Variants in UNC13C observed in about 807,000 individuals in gnomAD.
UNC13C encodes the protein unc-13 homolog C.
In UNC13C, 174 loss-of-function variants were observed where a neutral mutation model predicts 245.4. The ratio of observed to expected loss-of-function variants is 0.71; its 90% CI spans 0.63 to 0.80. The LOEUF (loss-of-function observed/expected upper bound fraction) is 0.80. Among genes scored for constraint, UNC13C ranks in the 30% least tolerant of loss-of-function variants. UNC13C has a pLI of 0.00. For synonymous variants in UNC13C, 992 were observed against 895.1 expected (o/e 1.11, Z -1.93); for missense variants, 2,829 against 2,602.9 (o/e 1.09, Z -1.89).
intron 10 of UNC13C, among the ~76,000 whole-genome samples, chr15:54,288,921 C>T (rs756512167): frequency 6.6e-6 from 1 of 152,068 alleles, no homozygotes; most frequent in Non-Finnish European, 1.5e-5. Flanking sequence ...AAATAATATG[C>T]CAGGGTGAGA....
chr15:54,036,540 A>G (rs1896584769), intron 2 of UNC13C, among the ~76,000 whole-genome samples: 1 of 152,244 alleles, frequency 6.6e-6, no homozygotes. Context: ...CCAATGTGCC[A>G]GTAATATAAA....
intron 19 of UNC13C, among the ~76,000 whole-genome samples, chr15:54,446,765 A>G (rs1890838441): frequency 6.6e-6 from 1 of 152,170 alleles, no homozygotes; most frequent in Non-Finnish European, 1.5e-5. Flanking sequence ...CTCTTTTCCC[A>G]GTTGAACGCC....
chr15:54,086,211 T>C (rs987453958), intron 2 of UNC13C, among the ~76,000 whole-genome samples: 3 of 152,158 alleles, frequency 2.0e-5, no homozygotes, highest in African/African-American at 7.2e-5. Flanking sequence ...CAGTCTCTCC[T>C]CCTCCCTATA....
chr15:54,326,856 A>G (rs1010343087), intron 14 of UNC13C, among the ~76,000 whole-genome samples: 1 of 152,094 alleles, frequency 6.6e-6, no homozygotes, highest in Non-Finnish European at 1.5e-5. Flanking sequence ...ACTGATCAGT[A>G]AATTTTCAGG....
intron 12 of UNC13C, 131 bp from the exon 13 acceptor site, chr15:54,300,079 C>T: frequency 1.3e-6 from 1 of 773,630 alleles, no homozygotes; most frequent in Non-Finnish European, 2.0e-6. Context: ...CAAGATATTC[C>T]TATTGCTTGC....
chr15:54,205,980 G>T (rs1246322880), intron 4 of UNC13C, among the ~76,000 whole-genome samples: 2 of 152,132 alleles, frequency 1.3e-5, no homozygotes, highest in East Asian at 1.9e-4. Context: ...CTAATAAGTT[G>T]TTACTTTGAA....
At chr15:54,472,524 T>C (rs935853183) in intron 19 of UNC13C, among the ~76,000 whole-genome samples, 1 of 151,884 alleles carries the variant, frequency 6.6e-6, no homozygotes, top group African/African-American at 2.4e-5. Flanking sequence ...CTTAAAAATT[T>C]GCTCTTAGCA....
intron 1 of UNC13C, among the ~76,000 whole-genome samples, chr15:54,007,455 T>C (rs1005921975): frequency 5.3e-5 from 8 of 152,170 alleles, no homozygotes; most frequent in Admixed American, 2.6e-4. Flanking sequence ...GTCATGTTCT[T>C]TGCAGGGACA....
At chr15:54,150,092 T>C (rs1044297045) in intron 4 of UNC13C, among the ~76,000 whole-genome samples, 10 of 152,208 alleles carry the variant, frequency 6.6e-5, no homozygotes, top group Non-Finnish European at 1.5e-4. Context: ...GATTCCTATT[T>C]CTCTCTCTTT....
the UNC13C span, among the ~76,000 whole-genome samples, chr15:53,868,860 G>C: frequency 6.6e-6 from 1 of 152,186 alleles, no homozygotes; most frequent in South Asian, 2.1e-4. Context: ...GCTCGTGCCT[G>C]TAATCCCAGC....
intron 19 of UNC13C, among the ~76,000 whole-genome samples, chr15:54,458,255 A>G (rs1891642396): frequency 1.3e-5 from 2 of 152,046 alleles, no homozygotes; most frequent in Admixed American, 6.6e-5. Context: ...AAAGTACTAT[A>G]TATACTTTTA....
intron 31 of UNC13C, among the ~76,000 whole-genome samples, chr15:54,623,034 A>C (rs1900892954): frequency 6.6e-6 from 1 of 152,184 alleles, no homozygotes; most frequent in Admixed American, 6.6e-5. Context: ...TTTAGAATAG[A>C]TTATATACAG....
chr15:54,139,555 T>A lies in UNC13C; in HGVS notation c.2984-3463T>A, dbSNP rs566204451. Among the ~76,000 whole-genome samples the A allele has an allele frequency of 2.0e-5, 3 of 152,338 alleles. No homozygotes were observed. The South Asian group carries it at 6.2e-4, about 32-fold the overall frequency. On this transcript the variant is annotated intron_variant, in intron 2 of 32. Transcript: ENST00000260323. ...TTTTTAACTTGTATTATTACAATTT[T>A]CATGCTCATCAACTATGCATGATAG...
At chr15:54,532,304 T>G (rs1895785332) in intron 25 of UNC13C, among the ~76,000 whole-genome samples, 1 of 152,100 alleles carries the variant, frequency 6.6e-6, no homozygotes, top group Non-Finnish European at 1.5e-5. Context: ...GAAATACCAT[T>G]TGACCCAGGA....
At chr15:54,629,057 C>G (rs768461881), downstream of UNC13C, 5 of 152,012 alleles carry the variant, frequency 3.3e-5, no homozygotes, top group Non-Finnish European at 7.4e-5. Context: ...CAACAGTAGA[C>G]CAGATAAAGA....
chr15:54,000,082 T>G (rs1295443085), intron 1 of UNC13C, among the ~76,000 whole-genome samples: 1 of 152,084 alleles, frequency 6.6e-6, no homozygotes, highest in African/African-American at 2.4e-5. Context: ...TTTCCTTACT[T>G]CAAAGACAGC....
At chr15:54,268,716 T>C (rs1329694225) in intron 10 of UNC13C, among the ~76,000 whole-genome samples, 2 of 152,002 alleles carry the variant, frequency 1.3e-5, no homozygotes, top group Non-Finnish European at 2.9e-5. Flanking sequence ...ATACTCTTCC[T>C]ACTAACTCAT....
chr15:54,391,889 A>G (rs766769699), intron 17 of UNC13C, among the ~76,000 whole-genome samples: 1 of 152,142 alleles, frequency 6.6e-6, no homozygotes, highest in African/African-American at 2.4e-5. Context: ...GTTACATATC[A>G]TGATTTGCAC....
intron 2 of UNC13C, among the ~76,000 whole-genome samples, chr15:54,114,311 T>A (rs2030056895): frequency 6.6e-6 from 1 of 152,214 alleles, no homozygotes; most frequent in Admixed American, 6.5e-5. Flanking sequence ...TTGGCTCTCT[T>A]GTCCTATATC....
Sources: gnomAD v4.1 joint callset for allele counts (sites outside exome capture counted in the v4.1 genomes callset) on GRCh38, gnomAD v4.1.1 for gene constraint, MANE v1.5 for transcripts, NCBI Gene and HGNC (gene_info 2026-07-23, HGNC 2026-07-21) for gene names.